The following TMEM233 variants were observed in gnomAD, a reference collection of about 807,000 sequenced individuals.
The protein encoded by TMEM233 is dispanin subfamily B member 2.
A neutral mutation model predicts 11.2 loss-of-function variants in TMEM233; 6 were observed. The ratio of observed to expected loss-of-function variants is 0.54; its 90% CI spans 0.29 to 1.06. The LOEUF (loss-of-function observed/expected upper bound fraction) is 1.06. Ranked by LOEUF, TMEM233 falls within the 50% of genes least tolerant of loss-of-function variation. The probability of loss-of-function intolerance (pLI) is 0.08; values close to 1 mark genes in which losing one functional copy is unlikely to be tolerated. For synonymous variants in TMEM233, 59 were observed against 55.8 expected, an observed-to-expected ratio of 1.06 and a Z score of -0.26; for missense variants, 127 against 144.7, an observed-to-expected ratio of 0.88 and a Z score of 0.63.
chr12:119,626,523 G>GGAGGAGGA (rs1244993604), intron 1 of TMEM233, among the ~76,000 whole-genome samples: 1 of 58,788 alleles, frequency 1.7e-5, no homozygotes, highest in African/African-American at 7.2e-5. Flanking sequence ...AGGAGGAGAA[G>GGAGGAGGA]GGAGAAGGGA....
At chr12:119,647,497 G>C (rs144556423), downstream of TMEM233, among the ~76,000 whole-genome samples, 649 of 152,262 alleles carry the variant, frequency 4.3e-3, 3 homozygotes, top group African/African-American at 0.015. Context: ...ACATTAACAA[G>C]TTGATGGTCC....
At position 119,641,281 on chromosome 12, in the gene TMEM233, C is replaced by T. The variant is rs1420652572; in HGVS notation, c.*576C>T. ...AGTTCACCCATCTGGTCATCAAACA[C>T]TCAAAGAAGGGGCTTTTCTGGCCTT... On this transcript the variant is annotated 3_prime_UTR_variant, in exon 3 of 3. Coordinates refer to ENST00000426426, the MANE Select transcript of TMEM233 (RefSeq NM_001136534.3). 1 of 152,334 alleles carries T rather than the reference C, an allele frequency of 6.6e-6. No individual in the cohort carries two copies. The highest frequency in any genetic ancestry group is 2.4e-5 in the African/African-American group (1 of 41,444). 9.4% of individuals were successfully genotyped at this position (152,334 alleles called of 1,614,324 possible).
intron 1 of TMEM233, among the ~76,000 whole-genome samples, chr12:119,596,109 C>G (rs1411601776): frequency 6.6e-6 from 1 of 152,206 alleles, no homozygotes; most frequent in Non-Finnish European, 1.5e-5. Context: ...TTCCTCCCTT[C>G]CTTCCTCTCC....
chr12:119,597,633 T>C (rs1406298849), intron 1 of TMEM233, among the ~76,000 whole-genome samples: 2 of 152,210 alleles, frequency 1.3e-5, no homozygotes, highest in Non-Finnish European at 2.9e-5. Context: ...GAGTGGTGGA[T>C]TTCTGTGTTC....
intron 1 of TMEM233, among the ~76,000 whole-genome samples, chr12:119,620,306 G>T (rs1054605587): frequency 6.6e-6 from 1 of 152,144 alleles, no homozygotes; most frequent in Non-Finnish European, 1.5e-5. Flanking sequence ...GCACTTAAAA[G>T]AATTAGTGGG....
intron 1 of TMEM233, among the ~76,000 whole-genome samples, chr12:119,621,213 A>G (rs2136740992): frequency 6.6e-6 from 1 of 152,204 alleles, no homozygotes; most frequent in Middle Eastern, 3.4e-3. Context: ...CACGCCAGCT[A>G]ATTTTTTGTA....
chr12:119,636,908 T>C (rs761963783), intron 2 of TMEM233, among the ~76,000 whole-genome samples: 4 of 152,196 alleles, frequency 2.6e-5, no homozygotes, highest in Admixed American at 6.5e-5. Context: ...TCACACATGG[T>C]ATCTTGATCA....
chr12:119,628,362 T>C lies in TMEM233; in HGVS notation c.187-1374T>C, dbSNP rs187566202. On this transcript the variant is annotated intron_variant, in intron 1 of 2. Transcript: ENST00000426426. ...TTTCAGTAGAGACAGAGTTTTACCA[T>C]GTTGGCCAGGATGGTCTTGAACTCC... Among the ~76,000 whole-genome samples the C allele has an allele frequency of 1.3e-4, 20 of 152,120 alleles. No homozygotes were observed. In the East Asian group the frequency reaches 3.9e-3, roughly 29 times the overall value.
At chr12:119,604,890 T>C in intron 1 of TMEM233, among the ~76,000 whole-genome samples, 1 of 152,214 alleles carries the variant, frequency 6.6e-6, no homozygotes, top group South Asian at 2.1e-4. Context: ...TGCCTTAGCC[T>C]CCAAAGTGCT....
intron 1 of TMEM233, among the ~76,000 whole-genome samples, chr12:119,602,524 C>T (rs1167140060): frequency 6.6e-6 from 1 of 152,182 alleles, no homozygotes; most frequent in Non-Finnish European, 1.5e-5. Flanking sequence ...AAGACCCTGT[C>T]TGAAGTGTGT....
the TMEM233 span, among the ~76,000 whole-genome samples, chr12:119,648,252 CTTAT>C: frequency 2.6e-5 from 4 of 152,086 alleles, no homozygotes; most frequent in African/African-American, 4.8e-5. Flanking sequence ...TAACTGTTTA[CTTAT>C]TTATTATCTT....
downstream of TMEM233, among the ~76,000 whole-genome samples, chr12:119,646,165 C>A (rs186772755): frequency 6.6e-6 from 1 of 151,574 alleles, no homozygotes; most frequent in Admixed American, 6.6e-5. Flanking sequence ...TCAAGCAATT[C>A]TTCTGCCTCA....
In TMEM233 at chr12:119,640,852, A is replaced by G; in HGVS notation, c.*147A>G. ...CCAGAGGCAGGTCCCTGGCAAATGA[A>G]CAAGAAAAAAAAAAAAAAAAAGTCC... On this transcript the variant is annotated 3_prime_UTR_variant, in exon 3 of 3. Coordinates refer to ENST00000426426, the MANE Select transcript of TMEM233 (RefSeq NM_001136534.3). The G allele has an allele frequency of 1.7e-6, 1 of 575,390 alleles. No homozygotes were observed. Among genetic ancestry groups the G allele is most frequent in the Non-Finnish European group, 2.4e-6 (1 of 411,478 alleles). The allele number at this position is 575,390 out of a possible 1,614,324, so 35.6% of individuals were successfully genotyped here. A position where few individuals can be genotyped will look rare whatever the true frequency, so the allele number is the denominator to read the frequency against.
chr12:119,624,240 G>A (rs896493101), intron 1 of TMEM233, among the ~76,000 whole-genome samples: 1 of 151,790 alleles, frequency 6.6e-6, no homozygotes, highest in African/African-American at 2.4e-5. Context: ...TGCACCTGTA[G>A]TCCCAGCTAC....
At chr12:119,643,084 T>G (rs1429645906), downstream of TMEM233, 3 of 152,218 alleles carry the variant, frequency 2.0e-5, no homozygotes, top group Admixed American at 6.5e-5. Flanking sequence ...TACCACAGTG[T>G]GTGAATTGTG....
intron 2 of TMEM233, among the ~76,000 whole-genome samples, chr12:119,638,291 C>T (rs369261172): frequency 6.6e-6 from 1 of 152,154 alleles, no homozygotes; most frequent in South Asian, 2.1e-4. Flanking sequence ...AAGATCTCAT[C>T]TCTACTAAAA....
Position 119,595,146 on chromosome 12 carries a change from C to A in TMEM233, c.186+1112C>A, listed in dbSNP as rs1450936906. Among the ~76,000 whole-genome samples the A allele has an allele frequency of 2.0e-5, 3 of 152,226 alleles. No individual in the cohort carries two copies. The highest frequency in any genetic ancestry group is 7.2e-5 in the African/African-American group (3 of 41,462). On this transcript the variant is annotated intron_variant, in intron 1 of 2. Coordinates refer to ENST00000426426, the MANE Select transcript of TMEM233 (RefSeq NM_001136534.3). This position sits in a 1 kb window ranked among gnomAD's most constrained non-coding sequence, Gnocchi z 4.3. ...CGAACCCCACCAGGAGGGCGACGAG[C>A]GCCTGCTAGGCCCTCGCCTTATTGA...
At chr12:119,649,149 T>G in the TMEM233 span, among the ~76,000 whole-genome samples, 1 of 151,984 alleles carries the variant, frequency 6.6e-6, no homozygotes, top group African/African-American at 2.4e-5. Flanking sequence ...AATACAAAAA[T>G]TAGCCGAGAG....
Position 119,640,850 on chromosome 12 carries a change from G to C in TMEM233, c.*145G>C. 82 of 485,122 alleles carry C rather than the reference G, an allele frequency of 1.7e-4. No individual in the cohort carries two copies. The highest frequency in any genetic ancestry group is 3.7e-4 in the East Asian group (8 of 21,640). 30.1% of individuals were successfully genotyped at this position (485,122 alleles called of 1,614,324 possible). Reference sequence around the variant, plus strand: ...CTCCAGAGGCAGGTCCCTGGCAAATGAACAAGAAAAAAAAAAAAAAAAAGT... The same window carrying C: ...CTCCAGAGGCAGGTCCCTGGCAAATCAACAAGAAAAAAAAAAAAAAAAAGT... On this transcript the variant is annotated 3_prime_UTR_variant, in exon 3 of 3. Coordinates refer to ENST00000426426, the MANE Select transcript of TMEM233 (RefSeq NM_001136534.3).
Sources: allele counts gnomAD v4.1 joint callset (sites outside exome capture counted in the v4.1 genomes callset), GRCh38; gene constraint gnomAD v4.1.1; non-coding constraint Gnocchi (gnomAD v3.1); transcripts MANE v1.5; gene names NCBI Gene and HGNC (gene_info 2026-07-23, HGNC 2026-07-21).